ANKRD28: variants seen among roughly 807,000 people sequenced by gnomAD.
ANKRD28 encodes serine/threonine-protein phosphatase 6 regulatory ankyrin repeat subunit A.
Under a neutral mutation model 126.5 loss-of-function variants are expected in ANKRD28, and 44 were observed. That is an observed-to-expected ratio of 0.35 (90% CI 0.27 to 0.45). The LOEUF (loss-of-function observed/expected upper bound fraction) is 0.45, where lower values mean the gene tolerates loss of function less well. Among genes scored for constraint, ANKRD28 ranks in the 20% least tolerant of loss-of-function variants. The probability of loss-of-function intolerance (pLI) is 1.00; values close to 1 mark genes in which losing one functional copy is unlikely to be tolerated. For synonymous variants in ANKRD28, 442 were observed against 468.5 expected (o/e 0.94, Z 0.73); for missense variants, 1,110 against 1,316.6 (o/e 0.84, Z 2.43).
At chr3:15,692,107 C>A (rs1331810489) in intron 17 of ANKRD28, among the ~76,000 whole-genome samples, 1 of 149,180 alleles carries the variant, frequency 6.7e-6, no homozygotes, top group Non-Finnish European at 1.5e-5. Context: ...ACCACTGCAA[C>A]CCAGCCTGGG....
chr3:15,791,163 G>T (rs1241870762), intron 2 of ANKRD28, among the ~76,000 whole-genome samples: 2 of 152,066 alleles, frequency 1.3e-5, no homozygotes, highest in African/African-American at 2.4e-5. Flanking sequence ...CATGTTCATG[G>T]ATTGGGATGA....
At chr3:15,703,105 T>C (rs894592828) in intron 14 of ANKRD28, among the ~76,000 whole-genome samples, 2 of 152,168 alleles carry the variant, frequency 1.3e-5, no homozygotes, top group Non-Finnish European at 1.5e-5. Context: ...GGTTGTTGAA[T>C]GTAAGTCACA....
chr3:15,857,867 T>A (rs1351437040), intron 1 of ANKRD28, among the ~76,000 whole-genome samples: 3 of 152,162 alleles, frequency 2.0e-5, no homozygotes, highest in African/African-American at 4.8e-5. Flanking sequence ...AAGGAAAACA[T>A]CGATCAGTCA....
intron 2 of ANKRD28, among the ~76,000 whole-genome samples, chr3:15,780,977 C>T (rs978566741): frequency 2.6e-4 from 40 of 151,450 alleles, no homozygotes; most frequent in Admixed American, 1.1e-3. Flanking sequence ...ATAAACAAGG[C>T]GGGGAAGCAC....
intron 21 of ANKRD28, among the ~76,000 whole-genome samples, chr3:15,681,041 G>T (rs1460225535): frequency 2.0e-5 from 3 of 152,164 alleles, no homozygotes; most frequent in Non-Finnish European, 4.4e-5. Context: ...TAAAGGAGAA[G>T]TATCCAGCCT....
At chr3:15,747,589 A>T (rs1174785940) in intron 4 of ANKRD28, among the ~76,000 whole-genome samples, 2 of 152,148 alleles carry the variant, frequency 1.3e-5, no homozygotes, top group Non-Finnish European at 2.9e-5. Flanking sequence ...TCTTAAATTT[A>T]CTGAGACTTG....
chr3:15,765,039 C>CAAA (rs1416881475), intron 3 of ANKRD28, among the ~76,000 whole-genome samples: 1 of 152,180 alleles, frequency 6.6e-6, no homozygotes, highest in African/African-American at 2.4e-5. Context: ...GCCCTCCTTT[C>CAAA]CACAAACTAT....
At chr3:15,670,980 T>C (rs1343316852) in intron 27 of ANKRD28, among the ~76,000 whole-genome samples, 4 of 152,232 alleles carry the variant, frequency 2.6e-5, no homozygotes, top group Admixed American at 1.3e-4. Flanking sequence ...AATTTGTAGT[T>C]ATGTAAGGAA....
At chr3:15,813,547 T>C (rs570210782) in intron 1 of ANKRD28, among the ~76,000 whole-genome samples, 24 of 152,340 alleles carry the variant, frequency 1.6e-4, no homozygotes, top group African/African-American at 5.8e-4. Context: ...ATACTGCACC[T>C]TGGTAATGAC....
At position 15,675,931 on chromosome 3, in the gene ANKRD28, T is replaced by C; in HGVS notation, c.2932A>G (p.Lys978Glu). The change falls in exon 27 of 28, where the codon AAA becomes GAA. Residue 978 changes from lysine to glutamate, a missense_variant. Coordinates refer to ENST00000683139, the MANE Select transcript of ANKRD28 (RefSeq NM_001349278.2). ...LTMVVQELLG[K>E]GASVLAVDEN... ...TCTACTGCAAGCACACTTGCTCCTT[T>C]TCCCAAAAGTTCCTGAACCACCATT... The C allele has an allele frequency of 6.2e-7, 1 of 1,613,054 alleles. No homozygotes were observed. Among genetic ancestry groups the C allele is most frequent in the South Asian group, 1.1e-5 (1 of 91,006 alleles).
Position 15,675,886 on chromosome 3 carries a change from G to GAACC in ANKRD28, c.2965+8_2965+11dup, listed in dbSNP as rs754496965. ...CTCTAGGTTAAGGGAAGAGAATATA[G>GAACC]AACCAACTTACCATTTTCATCTACT... is the stretch of plus-strand genomic sequence containing the variant. On this transcript the variant is annotated intron_variant, in intron 27 of 27. Transcript: ENST00000683139. 25 of 1,597,566 alleles carry GAACC rather than the reference G, an allele frequency of 1.6e-5. No individual in the cohort carries two copies. The highest frequency in any genetic ancestry group is 2.1e-5 in the Non-Finnish European group (24 of 1,168,434).
chr3:15,744,622 A>G (rs569215421), intron 4 of ANKRD28, among the ~76,000 whole-genome samples: 2 of 152,204 alleles, frequency 1.3e-5, no homozygotes, highest in Admixed American at 6.5e-5. Context: ...TGGCCAATAC[A>G]GTATTTTCTT....
Position 15,728,108 on chromosome 3 carries a change from A to G in ANKRD28, c.641-3584T>C, listed in dbSNP as rs544832895. On this transcript the variant is annotated intron_variant, in intron 6 of 27. Coordinates refer to ENST00000683139, the MANE Select transcript of ANKRD28 (RefSeq NM_001349278.2). ...CATTCACATTGAGGCAAAACTCTCCATTATCAGAGATTGTGACTTGCTAAA... is the reference window on the plus strand; with the variant it reads ...CATTCACATTGAGGCAAAACTCTCCGTTATCAGAGATTGTGACTTGCTAAA... Among the ~76,000 whole-genome samples, 5 of 152,320 alleles carry G rather than the reference A, an allele frequency of 3.3e-5. No homozygotes were observed. The East Asian group carries it at 9.6e-4, about 29-fold the overall frequency.
chr3:15,774,672 T>A (rs1403226393), intron 2 of ANKRD28, among the ~76,000 whole-genome samples: 9 of 152,128 alleles, frequency 5.9e-5, no homozygotes, highest in Non-Finnish European at 1.2e-4. Flanking sequence ...TAACTATTTT[T>A]AAAAAACTGA....
intron 6 of ANKRD28, among the ~76,000 whole-genome samples, chr3:15,726,820 C>G (rs80155974): frequency 0.1 from 15,986 of 152,296 alleles, 1,070 homozygotes; most frequent in East Asian, 0.2. Flanking sequence ...GGCTGACTCT[C>G]TTGTTAGAGG....
chr3:15,799,486 TATAAA>T (rs935367050), upstream of ANKRD28, among the ~76,000 whole-genome samples: 2 of 152,046 alleles, frequency 1.3e-5, no homozygotes, highest in African/African-American at 4.8e-5. Flanking sequence ...TTTTAAAATA[TATAAA>T]ATACTTTTAT....
At chr3:15,770,957 T>G (rs2058970791) in intron 2 of ANKRD28, among the ~76,000 whole-genome samples, 1 of 152,236 alleles carries the variant, frequency 6.6e-6, no homozygotes, top group African/African-American at 2.4e-5. Context: ...TTAACACATC[T>G]TATTTACTGT....
At chr3:15,716,641 A>G (rs780818813) in intron 8 of ANKRD28, among the ~76,000 whole-genome samples, 12 of 152,130 alleles carry the variant, frequency 7.9e-5, no homozygotes, top group Non-Finnish European at 1.8e-4. Context: ...GATAAGAAGG[A>G]TAAGAAAAAC....
rs192618777 is a variant in ANKRD28 at position 15,679,559 on chromosome 3, G to C, written c.2394C>G (p.His798Gln). 6.2e-7 allele frequency: 1 copy of C among 1,609,808 alleles called. No homozygotes were observed. Among genetic ancestry groups the C allele is most frequent in the East Asian group, 2.2e-5 (1 of 44,764 alleles). Reference sequence around the variant, plus strand: ...CTAAAAGCAGTTCTACACATGTCTCGTGACCTAAATAGGTGTAAAGAACCA... The same window carrying C: ...CTAAAAGCAGTTCTACACATGTCTCCTGACCTAAATAGGTGTAAAGAACCA... Reference protein sequence around the residue: ...TALHWACYNGHETCVELLLEQ... With the variant: ...TALHWACYNGQETCVELLLEQ... Residue 798 changes from histidine (H) to glutamine (Q), a missense_variant, in exon 22 of 28, where the codon CAC becomes CAG. His to Gln is a conservative substitution (Grantham distance 24). Transcript: ENST00000683139.
Sources: gnomAD v4.1 joint callset for allele counts (sites outside exome capture counted in the v4.1 genomes callset) on GRCh38, gnomAD v4.1.1 for gene constraint, MANE v1.5 for transcripts, NCBI Gene and HGNC (gene_info 2026-07-23, HGNC 2026-07-21) for gene names.